The following CD2AP variants were observed in gnomAD, a reference collection of about 807,000 sequenced individuals.
CD2AP encodes CD2 associated protein.
A neutral mutation model predicts 85.1 loss-of-function variants in CD2AP; 46 were observed. The observed-to-expected ratio is 0.54, with a 90% CI of 0.43 to 0.69. CD2AP has a LOEUF of 0.69. CD2AP is among the 30% of genes least tolerant of loss of function. The pLI, the probability that CD2AP is intolerant of heterozygous loss-of-function variation, is 0.00. For synonymous variants in CD2AP, 255 were observed against 252.9 expected (o/e 1.01, Z -0.08); for missense variants, 769 against 729.5 (o/e 1.05, Z -0.62).
At chr6:47,610,420 T>C (rs1769398452) in intron 16 of CD2AP, among the ~76,000 whole-genome samples, 1 of 152,080 alleles carries the variant, frequency 6.6e-6, no homozygotes, top group African/African-American at 2.4e-5. Context: ...TATGGCCAAA[T>C]AAAAAGTATA....
At chr6:47,523,541 G>T (rs1045969278) in intron 2 of CD2AP, among the ~76,000 whole-genome samples, 5 of 152,182 alleles carry the variant, frequency 3.3e-5, no homozygotes, top group African/African-American at 9.6e-5. Context: ...GAATGCCAAA[G>T]TTGTGTATAG....
At chr6:47,572,026 G>T (rs1768170797) in intron 5 of CD2AP, among the ~76,000 whole-genome samples, 1 of 152,118 alleles carries the variant, frequency 6.6e-6, no homozygotes, top group Non-Finnish European at 1.5e-5. Flanking sequence ...GGCACATACA[G>T]GATGTTAAGA....
chr6:47,562,405 T>C (rs1355580592), intron 5 of CD2AP, among the ~76,000 whole-genome samples: 10 of 152,138 alleles, frequency 6.6e-5, no homozygotes, highest in Non-Finnish European at 1.2e-4. Context: ...GATCTAATGA[T>C]GAGAGCTAGG....
Position 47,582,794 on chromosome 6 carries a change from TG to T in CD2AP, c.1108+730del, listed in dbSNP as rs1202830815. 6.2e-3 allele frequency among the ~76,000 whole-genome samples: 441 copies of T among 70,608 alleles called. 4 individuals carry two copies. Among genetic ancestry groups the T allele is most frequent in the African/African-American group, 0.015 (252 of 16,772 alleles). The allele number at this position is 70,608 out of a possible 152,430, so 46.3% of individuals were successfully genotyped here. ...ATGTTTTTTTTGTTTTTTTTTGTTTTGTTTTTTTTTTTTTGTCTCGCTCTCT... is the reference window on the plus strand; with the variant it reads ...ATGTTTTTTTTGTTTTTTTTTGTTTTTTTTTTTTTTTTTGTCTCGCTCTCT... On this transcript the variant is annotated intron_variant, in intron 11 of 17. Coordinates refer to ENST00000359314, the MANE Select transcript of CD2AP (RefSeq NM_012120.3).
chr6:47,485,940 A>G (rs953092603), intron 1 of CD2AP, among the ~76,000 whole-genome samples: 5 of 152,176 alleles, frequency 3.3e-5, no homozygotes, highest in East Asian at 3.9e-4. Context: ...AGTACACTCT[A>G]TGATGTTCAC....
At chr6:47,616,039 T>C (rs1020660621) in intron 17 of CD2AP, among the ~76,000 whole-genome samples, 14 of 143,420 alleles carry the variant, frequency 9.8e-5, no homozygotes, top group Non-Finnish European at 4.5e-5. Context: ...CGCCTCAGCC[T>C]CCCAAAGTGC....
At chr6:47,513,256 C>A (rs1281002254) in intron 2 of CD2AP, among the ~76,000 whole-genome samples, 1 of 151,746 alleles carries the variant, frequency 6.6e-6, no homozygotes, top group Non-Finnish European at 1.5e-5. Context: ...CTCACTTTCA[C>A]TGTCTCAGCA....
chr6:47,573,179 T>C (rs1768201936), intron 5 of CD2AP, among the ~76,000 whole-genome samples: 3 of 152,192 alleles, frequency 2.0e-5, no homozygotes, highest in Admixed American at 2.0e-4. Context: ...TGAGCAAGAA[T>C]GTAAAAACGC....
chr6:47,539,563 A>C (rs1439717429), intron 3 of CD2AP, among the ~76,000 whole-genome samples: 3 of 152,260 alleles, frequency 2.0e-5, no homozygotes, highest in Non-Finnish European at 2.9e-5. Context: ...AGAAGTGGGC[A>C]TAATATTCCA....
rs1421050591 is a variant in CD2AP, at chr6:47,478,159, C to T, written c.-86C>T. On this transcript the variant is annotated 5_prime_UTR_variant, in exon 1 of 18. Coordinates refer to ENST00000359314, the MANE Select transcript of CD2AP (RefSeq NM_012120.3). ...CTAGCGCGGAGCGCGGGTCCCGCCT[C>T]CAGCCGCGGGAGCGGCCGCGCGAGC... 3.3e-6 allele frequency: 5 copies of T among 1,527,278 alleles called. No homozygotes were observed. Among genetic ancestry groups the T allele is most frequent in the South Asian group, 1.2e-5 (1 of 83,588 alleles). The allele number at this position is 1,527,278 out of a possible 1,614,324, so 94.6% of individuals were successfully genotyped here. A position where few individuals can be genotyped will look rare whatever the true frequency, so the allele number is the denominator to read the frequency against.
At chr6:47,548,088 A>G (rs367923558) in intron 4 of CD2AP, among the ~76,000 whole-genome samples, 2 of 152,162 alleles carry the variant, frequency 1.3e-5, no homozygotes, top group South Asian at 4.1e-4. Context: ...TTAAAAGTTG[A>G]TGCCTACATC....
intron 11 of CD2AP, among the ~76,000 whole-genome samples, chr6:47,593,989 A>AT (rs1464155503): frequency 6.6e-6 from 1 of 152,112 alleles, no homozygotes; most frequent in Admixed American, 6.6e-5. Flanking sequence ...GCTATATGTT[A>AT]TGAAGAGGCT....
chr6:47,539,966 C>T (rs1398127208), intron 3 of CD2AP, among the ~76,000 whole-genome samples: 5 of 151,574 alleles, frequency 3.3e-5, no homozygotes, highest in Admixed American at 1.3e-4. Context: ...ATCACTTGAG[C>T]CCAGGAGTTC....
intron 17 of CD2AP, among the ~76,000 whole-genome samples, chr6:47,619,244 T>C (rs1769680833): frequency 1.3e-5 from 2 of 152,164 alleles, no homozygotes; most frequent in African/African-American, 4.8e-5. Flanking sequence ...TCAACTCAAG[T>C]CCCCAAAGTC....
intron 1 of CD2AP, among the ~76,000 whole-genome samples, chr6:47,499,174 A>G (rs907020486): frequency 6.6e-5 from 10 of 151,978 alleles, no homozygotes; most frequent in Non-Finnish European, 1.0e-4. Context: ...GGAATTGGCC[A>G]TTTTCCTAAA....
rs542755418 is a variant in CD2AP, at chr6:47,492,796, C to T, written c.5-10484C>T. On this transcript the variant is annotated intron_variant, in intron 1 of 17. Transcript: ENST00000359314. ...TGATTTTATTGATGTTTTCAAATAACAGTTTTTGGTTGCATTATTTTTTTT... is the reference window on the plus strand; with the variant it reads ...TGATTTTATTGATGTTTTCAAATAATAGTTTTTGGTTGCATTATTTTTTTT... Among the ~76,000 whole-genome samples the T allele has an allele frequency of 3.9e-5, 6 of 152,140 alleles. 1 individual carries two copies. The South Asian group carries it at 1.2e-3, about 32-fold the overall frequency.
At chr6:47,488,625 C>T (rs1483949149) in intron 1 of CD2AP, among the ~76,000 whole-genome samples, 1 of 149,252 alleles carries the variant, frequency 6.7e-6, no homozygotes, top group African/African-American at 2.5e-5. Flanking sequence ...TTCAAGTGCT[C>T]AATATTTTTT....
intron 5 of CD2AP, among the ~76,000 whole-genome samples, chr6:47,563,297 A>G (rs141949321): frequency 6.6e-6 from 1 of 152,238 alleles, no homozygotes; most frequent in Non-Finnish European, 1.5e-5. Flanking sequence ...TTAGGTAGGT[A>G]TAGAAAATGT....
chr6:47,546,327 C>T (rs1239200591), intron 4 of CD2AP, among the ~76,000 whole-genome samples: 2 of 151,854 alleles, frequency 1.3e-5, no homozygotes, highest in African/African-American at 4.8e-5. Flanking sequence ...AAAATATGAA[C>T]CAAGCCCCCA....
Sources: gnomAD v4.1 joint callset for allele counts (sites outside exome capture counted in the v4.1 genomes callset) on GRCh38, gnomAD v4.1.1 for gene constraint, MANE v1.5 for transcripts, NCBI Gene and HGNC (gene_info 2026-07-23, HGNC 2026-07-21) for gene names.